Variants in GFRA2 observed in about 807,000 individuals in gnomAD.
GFRA2 encodes GDNF family receptor alpha-2.
In GFRA2, 17 loss-of-function variants were observed where a neutral mutation model predicts 48.3. The ratio of observed to expected loss-of-function variants is 0.35; its 90% confidence interval spans 0.24 to 0.53. The LOEUF (loss-of-function observed/expected upper bound fraction) is 0.53. Among genes scored for constraint, GFRA2 ranks in the 20% least tolerant of loss-of-function variants. The probability of loss-of-function intolerance (pLI) is 0.93; values close to 1 mark genes in which losing one functional copy is unlikely to be tolerated. For synonymous variants in GFRA2, 305 were observed against 257.2 expected (o/e 1.19, Z -1.78); for missense variants, 660 against 637.3 (o/e 1.04, Z -0.38).
intron 1 of GFRA2, 54 bp from the exon 2 acceptor site, chr8:21,782,953 C>G: frequency 3.4e-6 from 5 of 1,485,792 alleles, no homozygotes; most frequent in Non-Finnish European, 4.5e-6. Context: ...CAATCTCCCA[C>G]CCAAGATGCA....
intron 4 of GFRA2, among the ~76,000 whole-genome samples, chr8:21,725,581 A>C: frequency 6.6e-6 from 1 of 152,238 alleles, no homozygotes; most frequent in East Asian, 1.9e-4. Context: ...ATAATAACTA[A>C]CAATTTTGAG....
Position 21,707,933 on chromosome 8 carries a change from G to A in GFRA2, c.795-1892C>T, listed in dbSNP as rs182033328. Among the ~76,000 whole-genome samples the A allele has an allele frequency of 6.7e-4, 102 of 152,334 alleles. 1 individual carries two copies. Among genetic ancestry groups the A allele is most frequent in the African/African-American group, 2.2e-3 (93 of 41,580 alleles). ...ATCATTTAACCCTCACAAATGCTCC[G>A]TGAGATCTGACAAGCAGTTATTATT... On this transcript the variant is annotated intron_variant, in intron 4 of 8. Coordinates refer to ENST00000524240, the MANE Select transcript of GFRA2 (RefSeq NM_001495.5).
At chr8:21,702,030 G>C (rs1802505528) in intron 7 of GFRA2, among the ~76,000 whole-genome samples, 1 of 152,176 alleles carries the variant, frequency 6.6e-6, no homozygotes, top group Non-Finnish European at 1.5e-5. Context: ...GTAGAGTCTG[G>C]AGGACCTGAC....
At chr8:21,783,027 C>A (rs997871584) in intron 1 of GFRA2, 128 bp from the exon 2 acceptor site, 3 of 852,990 alleles carry the variant, frequency 3.5e-6, no homozygotes, top group Non-Finnish European at 5.7e-6. Flanking sequence ...ACCAAGGCGA[C>A]TCTGTGGGAC....
At chr8:21,803,334 C>T (rs1454306572) in intron 2 of GFRA2, among the ~76,000 whole-genome samples, 1 of 152,214 alleles carries the variant, frequency 6.6e-6, no homozygotes, top group Non-Finnish European at 1.5e-5. Flanking sequence ...TGTCTAGCAA[C>T]AGTGGGACTA....
At chr8:21,789,611 G>A (rs1490524595), upstream of GFRA2, among the ~76,000 whole-genome samples, 1 of 152,152 alleles carries the variant, frequency 6.6e-6, no homozygotes, top group South Asian at 2.1e-4. Flanking sequence ...CGCCGGCCCC[G>A]CGCGCCCCCG....
chr8:21,752,675 C>T (rs1263226570), intron 3 of GFRA2, among the ~76,000 whole-genome samples: 1 of 152,124 alleles, frequency 6.6e-6, no homozygotes, highest in East Asian at 1.9e-4. Context: ...ACACCTCTAG[C>T]TGCAAGCCTA....
chr8:21,784,414 A>G, intron 1 of GFRA2: 1 of 450,286 alleles, frequency 2.2e-6, no homozygotes, highest in Admixed American at 2.4e-5. Flanking sequence ...CTAGGCCAGA[A>G]GTCCCCTCCT....
Position 21,694,071 on chromosome 8 carries a change from T to TATATATA in GFRA2, c.1272+392_1272+393insTATATAT, listed in dbSNP as rs1563209393. Among the ~76,000 whole-genome samples the TATATATA allele has an allele frequency of 2.6e-3, 185 of 71,050 alleles. 5 individuals carry two copies. The highest frequency in any genetic ancestry group is 9.3e-3 in the African/African-American group (175 of 18,762). 46.6% of individuals were successfully genotyped at this position (71,050 alleles called of 152,430 possible). A position where few individuals can be genotyped will look rare whatever the true frequency, so the allele number is the denominator to read the frequency against. On this transcript the variant is annotated intron_variant, in intron 8 of 8. Coordinates refer to ENST00000524240, the MANE Select transcript of GFRA2 (RefSeq NM_001495.5). ...TATATATATTTATATATATATTTAT[T>TATATATA]TATTTTTATATATATATATATTTCC...
At chr8:21,760,841 C>G (rs1262805616) in intron 3 of GFRA2, among the ~76,000 whole-genome samples, 3 of 152,090 alleles carry the variant, frequency 2.0e-5, no homozygotes, top group African/African-American at 7.2e-5. Flanking sequence ...AGGAGAGGAC[C>G]TTTAGCTGGT....
chr8:21,755,738 G>C (rs866908651), intron 3 of GFRA2, among the ~76,000 whole-genome samples: 3 of 152,376 alleles, frequency 2.0e-5, no homozygotes, highest in South Asian at 2.1e-4. Context: ...CCCAGGCACA[G>C]AGGGGAGCAG....
intron 5 of GFRA2, 137 bp from the exon 6 acceptor site, chr8:21,705,262 C>T (rs552413222): frequency 2.6e-6 from 2 of 765,302 alleles, no homozygotes; most frequent in South Asian, 3.7e-5. Context: ...ACACATCCAT[C>T]CCAATCGCAC....
At chr8:21,760,311 G>A (rs1370502092) in intron 3 of GFRA2, among the ~76,000 whole-genome samples, 2 of 152,202 alleles carry the variant, frequency 1.3e-5, no homozygotes, top group African/African-American at 2.4e-5. Flanking sequence ...AGCAGAAAAG[G>A]AGACCAGTCA....
chr8:21,758,997 A>C (rs1315823730), intron 3 of GFRA2, among the ~76,000 whole-genome samples: 1 of 152,186 alleles, frequency 6.6e-6, no homozygotes, highest in Non-Finnish European at 1.5e-5. Flanking sequence ...CACCAACTAC[A>C]TGCCAGGCCC....
chr8:21,761,447 A>G (rs756493700), intron 3 of GFRA2, among the ~76,000 whole-genome samples: 1 of 152,200 alleles, frequency 6.6e-6, no homozygotes, highest in Non-Finnish European at 1.5e-5. Context: ...TGTGGGGAAG[A>G]CGGAGGACCT....
intron 3 of GFRA2, among the ~76,000 whole-genome samples, chr8:21,769,644 T>G (rs1327241386): frequency 2.0e-5 from 3 of 150,584 alleles, no homozygotes; most frequent in African/African-American, 7.4e-5. Context: ...GGGGGCCATG[T>G]ATTAGATACA....
intron 3 of GFRA2, among the ~76,000 whole-genome samples, 189 bp from the exon 4 acceptor site, chr8:21,751,131 A>G (rs1805274434): frequency 6.6e-6 from 1 of 152,124 alleles, no homozygotes; most frequent in Non-Finnish European, 1.5e-5. Flanking sequence ...GTGAGGAGTA[A>G]AGGAGTTAAT....
rs1305193415 is a variant in GFRA2 at position 21,706,006 on chromosome 8, G to T, written c.830C>A (p.Ala277Asp). 2 of 1,579,344 alleles carry T rather than the reference G, an allele frequency of 1.3e-6. No individual in the cohort carries two copies. The highest frequency in any genetic ancestry group is 2.3e-5 in the East Asian group (1 of 43,180). ...RLADFHANCR[A>D]SYQTVTSCPA... is the part of the protein sequence containing the mutation. ...GCAGCTGGTGACCGTCTGGTAGGAG[G>T]CTCGACAATTGGCATGGAAGTCGGC... Residue 277 changes from alanine (A) to aspartate (D), a missense_variant, in exon 5 of 9, where the codon GCC becomes GAC. By Grantham distance (126) the Ala-to-Asp change is moderately radical. Coordinates refer to ENST00000524240, the MANE Select transcript of GFRA2 (RefSeq NM_001495.5).
At chr8:21,741,743 G>A (rs1263168731) in intron 4 of GFRA2, among the ~76,000 whole-genome samples, 1 of 152,052 alleles carries the variant, frequency 6.6e-6, no homozygotes, top group Non-Finnish European at 1.5e-5. Context: ...CCAACATGGT[G>A]AAAGCCCGTC....
Sources: allele counts gnomAD v4.1 joint callset (sites outside exome capture counted in the v4.1 genomes callset), GRCh38; gene constraint gnomAD v4.1.1; transcripts MANE v1.5; gene names NCBI Gene and HGNC (gene_info 2026-07-23, HGNC 2026-07-21).